Variants in GALK2 observed in about 807,000 individuals in gnomAD.
The protein encoded by GALK2 is galactokinase 2, also known as N-acetylgalactosamine kinase.
Under a neutral mutation model 52.4 loss-of-function variants are expected in GALK2, and 36 were observed. The observed-to-expected ratio is 0.69, with a 90% CI of 0.53 to 0.91. The LOEUF is 0.91. Among genes scored for constraint, GALK2 ranks in the 40% least tolerant of loss-of-function variants. The pLI is 0.00. For missense variants in GALK2, 579 were observed against 559.1 expected, an observed-to-expected ratio of 1.04 and a Z score of -0.36; for synonymous variants, 176 against 199.1, an observed-to-expected ratio of 0.88 and a Z score of 0.98.
intron 9 of GALK2, 92 bp from the exon 10 acceptor site, chr15:49,327,860 G>T: frequency 8.1e-7 from 1 of 1,233,378 alleles, no homozygotes; most frequent in South Asian, 1.7e-5. Context: ...TTTCTTCTTA[G>T]AACTTAGATA....
At chr15:49,262,898 C>A (rs2092191326) in intron 5 of GALK2, among the ~76,000 whole-genome samples, 1 of 143,184 alleles carries the variant, frequency 7.0e-6, no homozygotes, top group South Asian at 2.3e-4. Flanking sequence ...ATTCTTAATC[C>A]TGAGTTCTAG....
chr15:49,265,540 T>A (rs2092327804), intron 5 of GALK2, among the ~76,000 whole-genome samples: 1 of 152,230 alleles, frequency 6.6e-6, no homozygotes, highest in African/African-American at 2.4e-5. Context: ...AGGCAATGCC[T>A]CGCCCTGTTT....
intron 4 of GALK2, among the ~76,000 whole-genome samples, chr15:49,236,557 TTACA>T (rs1455440932): frequency 2.0e-5 from 3 of 152,224 alleles, no homozygotes; most frequent in African/African-American, 7.2e-5. Context: ...ATCTCTAATG[TTACA>T]TACAAGAACA....
At chr15:49,221,878 G>T (rs1341917081) in intron 3 of GALK2, among the ~76,000 whole-genome samples, 1 of 151,778 alleles carries the variant, frequency 6.6e-6, no homozygotes, top group East Asian at 1.9e-4. Flanking sequence ...GAGTGCTTTG[G>T]CTATTTGGGC....
intron 8 of GALK2, among the ~76,000 whole-genome samples, chr15:49,318,558 T>C (rs1252299732): frequency 6.6e-6 from 1 of 152,190 alleles, no homozygotes; most frequent in Non-Finnish European, 1.5e-5. Flanking sequence ...AAAATGAATA[T>C]AGCATAATTT....
Position 49,343,751 on chromosome 15 carries a change from T to A in GALK2, c.427-23740T>A, listed in dbSNP as rs1348412597. The stretch of plus-strand genomic sequence containing the variant: ...GAATTTCCTGCTTTCAACTTATTGT[T>A]CTGGCAACCTGTAGTCTGAAAGACA... On this transcript the variant is annotated intron_variant, in intron 3 of 3. Transcript: ENST00000558399. 2.0e-5 allele frequency: 3 copies of A among 152,212 alleles called. No homozygotes were observed. In the East Asian group the frequency reaches 5.8e-4, roughly 29 times the overall value. 9.4% of individuals were successfully genotyped at this position (152,212 alleles called of 1,614,324 possible). A position where few individuals can be genotyped will look rare whatever the true frequency, so the allele number is the denominator to read the frequency against.
intron 5 of GALK2, among the ~76,000 whole-genome samples, chr15:49,277,533 C>A (rs934737827): frequency 6.8e-6 from 1 of 147,970 alleles, no homozygotes; most frequent in Admixed American, 6.7e-5. Context: ...CGCGGTGGCT[C>A]ACGCCTGTTA....
intron 3 of GALK2, among the ~76,000 whole-genome samples, chr15:49,360,198 C>G (rs1168657729): frequency 6.7e-6 from 1 of 150,372 alleles, no homozygotes; most frequent in African/African-American, 2.5e-5. Context: ...ATGTAACTAA[C>G]CTGCACAATG....
intron 3 of GALK2, among the ~76,000 whole-genome samples, chr15:49,358,395 G>T (rs1442357411): frequency 8.3e-6 from 1 of 120,294 alleles, no homozygotes; most frequent in Non-Finnish European, 1.8e-5. Context: ...AAAGTCTCAG[G>T]ATACAAAATC....
chr15:49,286,441 T>C (rs79495666), intron 7 of GALK2, among the ~76,000 whole-genome samples: 9,178 of 152,280 alleles, frequency 0.06, 550 homozygotes, highest in African/African-American at 0.15. Flanking sequence ...CCCTTGTTAC[T>C]GACTTAGCAC....
intron 3 of GALK2, among the ~76,000 whole-genome samples, chr15:49,346,244 G>A (rs1347300491): frequency 1.3e-5 from 2 of 152,112 alleles, no homozygotes; most frequent in East Asian, 1.9e-4. Flanking sequence ...CTGGGCCTGC[G>A]CAAGTGCGCA....
At chr15:49,250,423 C>A (rs1285460927) in intron 5 of GALK2, among the ~76,000 whole-genome samples, 1 of 152,126 alleles carries the variant, frequency 6.6e-6, no homozygotes, top group Non-Finnish European at 1.5e-5. Flanking sequence ...TACTGTTAAG[C>A]ACCTAGATGT....
intron 5 of GALK2, among the ~76,000 whole-genome samples, chr15:49,255,649 GATAGGTAGAGATCTGCTGTCTATC>G (rs1161703609): frequency 1.9e-4 from 20 of 105,678 alleles, no homozygotes; most frequent in Non-Finnish European, 3.7e-4. Flanking sequence ...AATACACAGA[GATAGGTAGAGATCTGCTGTCTATC>G]AAAATAATGC....
Position 49,328,509 on chromosome 15 carries a change from A to AAAC in GALK2, c.*351_*353dup. On this transcript the variant is annotated 3_prime_UTR_variant, in exon 10 of 10. Coordinates refer to ENST00000560031, the MANE Select transcript of GALK2 (RefSeq NM_002044.4). Reference sequence around the variant, plus strand: ...TTGAATTAAATATATTGTTACAATTAAACTGATACCACTGAATTGTATGCA... The same window carrying AAAC: ...TTGAATTAAATATATTGTTACAATTAAACAACTGATACCACTGAATTGTATGCA... 1 of 1,594,234 alleles carries AAAC rather than the reference A, an allele frequency of 6.3e-7. No individual in the cohort carries two copies. Among genetic ancestry groups the AAAC allele is most frequent in the Non-Finnish European group, 8.6e-7 (1 of 1,168,168 alleles).
chr15:49,231,002 T>C (rs2090472126), intron 3 of GALK2, among the ~76,000 whole-genome samples: 1 of 152,082 alleles, frequency 6.6e-6, no homozygotes, highest in Non-Finnish European at 1.5e-5. Context: ...AAAAGCAGTT[T>C]TTTTTTGTTT....
chr15:49,316,035 G>C (rs1266424827), intron 8 of GALK2, among the ~76,000 whole-genome samples: 1 of 152,144 alleles, frequency 6.6e-6, no homozygotes, highest in Non-Finnish European at 1.5e-5. Flanking sequence ...TACAGGATAT[G>C]GCCCTAAAAT....
chr15:49,349,930 T>C (rs556430431), intron 3 of GALK2, among the ~76,000 whole-genome samples: 48 of 150,110 alleles, frequency 3.2e-4, no homozygotes, highest in African/African-American at 1.2e-3. Context: ...CAAAACAAAA[T>C]GAGAGGGAGA....
chr15:49,172,511 C>T (rs1052912951), intron 1 of GALK2, among the ~76,000 whole-genome samples: 6 of 152,166 alleles, frequency 3.9e-5, no homozygotes, highest in Non-Finnish European at 7.4e-5. Flanking sequence ...TTCACCTAAC[C>T]GGTCAAGTAT....
intron 1 of GALK2, among the ~76,000 whole-genome samples, chr15:49,163,143 C>T (rs891964040): frequency 6.6e-6 from 1 of 152,150 alleles, no homozygotes; most frequent in Non-Finnish European, 1.5e-5. Flanking sequence ...ACATCCTTGC[C>T]AACATTTAGT....
Sources: gnomAD v4.1 joint callset for allele counts (sites outside exome capture counted in the v4.1 genomes callset) on GRCh38, gnomAD v4.1.1 for gene constraint, MANE v1.5 for transcripts, NCBI Gene and HGNC (gene_info 2026-07-23, HGNC 2026-07-21) for gene names.